Variants in RAD51B observed in about 807,000 individuals in gnomAD.
The protein encoded by RAD51B is RAD51 paralog B, also known as DNA repair protein RAD51 homolog 2.
RAD51B carries 38 observed loss-of-function variants against 42.2 expected under a neutral mutation model. The observed-to-expected ratio is 0.90, with a 90% confidence interval of 0.70 to 1.18. The LOEUF (loss-of-function observed/expected upper bound fraction) is 1.18, where lower values mean the gene tolerates loss of function less well. Among genes scored for constraint, RAD51B ranks in the 50% most tolerant of loss-of-function variants. The probability of loss-of-function intolerance (pLI) is 0.00; values close to 1 mark genes in which losing one functional copy is unlikely to be tolerated. For synonymous variants in RAD51B, 154 were observed against 145.2 expected, an observed-to-expected ratio of 1.06 and a Z score of -0.43; for missense variants, 373 against 400.7, an observed-to-expected ratio of 0.93 and a Z score of 0.59.
At chr14:67,936,863 C>G (rs1010848992) in intron 7 of RAD51B, among the ~76,000 whole-genome samples, 22 of 152,074 alleles carry the variant, frequency 1.4e-4, no homozygotes, top group African/African-American at 4.3e-4. Context: ...TGTTTATTGA[C>G]CATTTGTATA....
intron 7 of RAD51B, among the ~76,000 whole-genome samples, chr14:68,220,086 A>T (rs929265034): frequency 6.6e-6 from 1 of 152,218 alleles, no homozygotes; most frequent in African/African-American, 2.4e-5. Context: ...AAAGACCTTC[A>T]GAGCTCAAAG....
intron 8 of RAD51B, among the ~76,000 whole-genome samples, chr14:68,364,493 CG>C (rs1334266312): frequency 6.6e-6 from 1 of 152,176 alleles, no homozygotes. Context: ...GGAGGACCGC[CG>C]GGCGCGGTGG....
chr14:68,334,509 A>G (rs10131654), intron 8 of RAD51B, among the ~76,000 whole-genome samples: 103,189 of 151,968 alleles, frequency 0.68, 35,263 homozygotes, highest in Non-Finnish European at 0.73. Flanking sequence ...AGGTGGAGGA[A>G]TGTAGTGGGA....
intron 7 of RAD51B, among the ~76,000 whole-genome samples, chr14:68,035,003 G>A (rs1856288454): frequency 6.6e-6 from 1 of 152,174 alleles, no homozygotes. Flanking sequence ...TATACCAGAT[G>A]TGTACTGTGG....
intron 9 of RAD51B, among the ~76,000 whole-genome samples, chr14:68,423,475 C>T (rs892425774): frequency 6.6e-6 from 1 of 152,168 alleles, no homozygotes; most frequent in Admixed American, 6.5e-5. Context: ...ACTAGATATA[C>T]TTTACAATTG....
At chr14:68,452,238 C>G (rs2085574978) in intron 9 of RAD51B, among the ~76,000 whole-genome samples, 1 of 152,084 alleles carries the variant, frequency 6.6e-6, no homozygotes, top group Non-Finnish European at 1.5e-5. Flanking sequence ...GAATGGATTT[C>G]TGTTGCTTGA....
chr14:68,120,937 G>A (rs2077640336), intron 7 of RAD51B, among the ~76,000 whole-genome samples: 1 of 152,068 alleles, frequency 6.6e-6, no homozygotes, highest in Non-Finnish European at 1.5e-5. Context: ...TGCTTAAAAA[G>A]ACATATTTTA....
chr14:68,488,424 T>C (rs1883807343), intron 10 of RAD51B, among the ~76,000 whole-genome samples: 1 of 152,172 alleles, frequency 6.6e-6, no homozygotes, highest in Non-Finnish European at 1.5e-5. Flanking sequence ...TCTTTCTGAC[T>C]AGGCCCCAAC....
chr14:68,402,709 G>A (rs1378590215), intron 8 of RAD51B, among the ~76,000 whole-genome samples: 3 of 152,206 alleles, frequency 2.0e-5, no homozygotes, highest in Non-Finnish European at 2.9e-5. Context: ...CAAAGACAGC[G>A]CATGGAGTGG....
chr14:68,632,524 G>A (rs1031098466), intron 10 of RAD51B, among the ~76,000 whole-genome samples: 3 of 152,176 alleles, frequency 2.0e-5, no homozygotes, highest in Admixed American at 1.3e-4. Context: ...GATGGAGGCC[G>A]GGAGCTCCGG....
rs2084708458 is a variant in RAD51B, at chr14:68,421,848, G to A, written c.957+10321G>A. ...GCCATCCAACCACTCAGTCTTGGCA[G>A]TGCAGATGAAAAACTGGGAACCATT... On this transcript the variant is annotated intron_variant, in intron 9 of 10. Transcript: ENST00000471583. The A allele has an allele frequency of 3.1e-5, 49 of 1,595,126 alleles. No individual in the cohort carries two copies. In the South Asian group the frequency reaches 4.9e-4, roughly 16 times the overall value.
chr14:67,981,871 A>G (rs993917978), intron 7 of RAD51B, among the ~76,000 whole-genome samples: 1 of 152,248 alleles, frequency 6.6e-6, no homozygotes, highest in Non-Finnish European at 1.5e-5. Flanking sequence ...AGTTTTAACT[A>G]TCTTAACTGT....
intron 10 of RAD51B, among the ~76,000 whole-genome samples, chr14:68,545,021 G>T (rs1888148667): frequency 6.6e-6 from 1 of 152,158 alleles, no homozygotes; most frequent in Non-Finnish European, 1.5e-5. Flanking sequence ...AGGTCCTTGG[G>T]AATAAATAAA....
At chr14:68,282,616 A>C (rs567057141) in intron 7 of RAD51B, among the ~76,000 whole-genome samples, 1 of 152,212 alleles carries the variant, frequency 6.6e-6, no homozygotes, top group Non-Finnish European at 1.5e-5. Flanking sequence ...GAGGACATCA[A>C]ATAAATAACT....
At chr14:68,336,167 A>G (rs181969995) in intron 8 of RAD51B, among the ~76,000 whole-genome samples, 1 of 152,366 alleles carries the variant, frequency 6.6e-6, no homozygotes. Flanking sequence ...GTATTCAACA[A>G]ATGTTAGCTA....
At chr14:68,581,108 T>C (rs760027040) in intron 10 of RAD51B, among the ~76,000 whole-genome samples, 13 of 152,202 alleles carry the variant, frequency 8.5e-5, no homozygotes, top group Non-Finnish European at 1.8e-4. Flanking sequence ...GGTTTCTTTA[T>C]TAAGTAATCT....
intron 4 of RAD51B, among the ~76,000 whole-genome samples, chr14:67,853,492 G>T (rs1201196580): frequency 6.6e-6 from 1 of 152,088 alleles, no homozygotes; most frequent in Non-Finnish European, 1.5e-5. Context: ...ATAATAAATG[G>T]ATGCTGTTCA....
At chr14:67,823,683 C>A in intron 2 of RAD51B, 56 bp downstream of exon 2, 1 of 1,271,546 alleles carries the variant, frequency 7.9e-7, no homozygotes, top group Non-Finnish European at 1.1e-6. Flanking sequence ...TAACTTTATA[C>A]CTTAATACCT....
chr14:68,428,631 G>A (rs575583017), intron 9 of RAD51B, among the ~76,000 whole-genome samples: 12 of 146,726 alleles, frequency 8.2e-5, no homozygotes, highest in South Asian at 4.2e-4. Context: ...TATAATATTC[G>A]TTTTCTATGA....
Sources: allele counts gnomAD v4.1 joint callset (sites outside exome capture counted in the v4.1 genomes callset), GRCh38; gene constraint gnomAD v4.1.1; transcripts MANE v1.5; gene names NCBI Gene and HGNC (gene_info 2026-07-23, HGNC 2026-07-21).